WDR70: variants seen among roughly 807,000 people sequenced by gnomAD.
The protein encoded by WDR70 is WD repeat-containing protein 70.
A neutral mutation model predicts 88.6 loss-of-function variants in WDR70; 53 were observed. The observed-to-expected ratio is 0.60, with a 90% CI of 0.48 to 0.75. The LOEUF (loss-of-function observed/expected upper bound fraction) is 0.75. Ranked by LOEUF, WDR70 falls within the 30% of genes least tolerant of loss-of-function variation. The probability of loss-of-function intolerance (pLI) is 0.00; values close to 1 mark genes in which losing one functional copy is unlikely to be tolerated. For synonymous variants in WDR70, 280 were observed against 270.0 expected (o/e 1.04, Z -0.36); for missense variants, 610 against 823.2 (o/e 0.74, Z 3.17).
At chr5:37,634,564 T>G (rs969923852) in intron 10 of WDR70, among the ~76,000 whole-genome samples, 1 of 152,224 alleles carries the variant, frequency 6.6e-6, no homozygotes, top group Non-Finnish European at 1.5e-5. Flanking sequence ...GACTTTGTTC[T>G]ATAAGGAAGA....
At chr5:37,564,816 A>G (rs1286790608) in intron 9 of WDR70, among the ~76,000 whole-genome samples, 10 of 152,198 alleles carry the variant, frequency 6.6e-5, no homozygotes, top group Admixed American at 1.3e-4. Context: ...TGTTAGTTGC[A>G]GTTTTCACTT....
intron 8 of WDR70, among the ~76,000 whole-genome samples, chr5:37,512,061 G>A (rs888878162): frequency 9.2e-5 from 14 of 152,202 alleles, no homozygotes; most frequent in Middle Eastern, 3.4e-3. Flanking sequence ...TCAAGGTGTT[G>A]GCAAGAATGT....
At chr5:37,736,540 C>T (rs1748308823) in intron 17 of WDR70, among the ~76,000 whole-genome samples, 1 of 151,540 alleles carries the variant, frequency 6.6e-6, no homozygotes, top group African/African-American at 2.4e-5. Flanking sequence ...TCACTCTCCA[C>T]TGTATTCCTG....
At chr5:37,454,735 C>T (rs73749038) in intron 7 of WDR70, among the ~76,000 whole-genome samples, 2,335 of 152,170 alleles carry the variant, frequency 0.015, 53 homozygotes, top group African/African-American at 0.053. Context: ...AGTATTTTTC[C>T]TCCTCTTTCT....
chr5:37,736,207 G>T (rs1423352014), intron 17 of WDR70, among the ~76,000 whole-genome samples: 5 of 152,184 alleles, frequency 3.3e-5, no homozygotes, highest in African/African-American at 1.2e-4. Flanking sequence ...ACCCTGGCCA[G>T]CAGCCTGACA....
chr5:37,559,185 GC>G (rs1742408875), intron 9 of WDR70, among the ~76,000 whole-genome samples: 1 of 152,060 alleles, frequency 6.6e-6, no homozygotes, highest in Non-Finnish European at 1.5e-5. Flanking sequence ...ACCCTCCTTG[GC>G]CTCCCTAAGT....
At chr5:37,687,923 G>C (rs1422520449) in intron 10 of WDR70, 2 of 692,140 alleles carry the variant, frequency 2.9e-6, no homozygotes, top group Middle Eastern at 2.3e-4. Context: ...AACAAGTTAA[G>C]ACTGTCATAT....
chr5:37,479,273 T>C (rs367624131), intron 7 of WDR70, among the ~76,000 whole-genome samples: 99 of 151,648 alleles, frequency 6.5e-4, no homozygotes, highest in African/African-American at 2.3e-3. Flanking sequence ...GTTGGAGATA[T>C]AAGGTAATTA....
intron 10 of WDR70, among the ~76,000 whole-genome samples, chr5:37,635,466 C>T (rs1314265988): frequency 6.6e-6 from 1 of 152,150 alleles, no homozygotes; most frequent in Non-Finnish European, 1.5e-5. Context: ...CTCCCTCCAG[C>T]TTCAAAAATT....
At chr5:37,452,505 A>G (rs1028762721) in intron 7 of WDR70, among the ~76,000 whole-genome samples, 2 of 152,202 alleles carry the variant, frequency 1.3e-5, no homozygotes, top group African/African-American at 4.8e-5. Flanking sequence ...ACCTCAAGTG[A>G]TCTGCCTGCC....
At chr5:37,608,311 A>T (rs1744093172) in intron 10 of WDR70, among the ~76,000 whole-genome samples, 1 of 152,222 alleles carries the variant, frequency 6.6e-6, no homozygotes, top group Admixed American at 6.5e-5. Flanking sequence ...AAGTGCTAGG[A>T]TTACAGGCGT....
At chr5:37,416,595 T>C (rs1189983129) in intron 5 of WDR70, among the ~76,000 whole-genome samples, 1 of 149,722 alleles carries the variant, frequency 6.7e-6, no homozygotes, top group Non-Finnish European at 1.5e-5. Flanking sequence ...TTTTTTTTTT[T>C]TTTTGAGATA....
chr5:37,429,422 A>G (rs549149843), intron 5 of WDR70, among the ~76,000 whole-genome samples: 7 of 151,930 alleles, frequency 4.6e-5, no homozygotes, highest in Non-Finnish European at 1.0e-4. Context: ...ATCTTTCCTT[A>G]CCAATGATTG....
chr5:37,512,700 G>A (rs574736447), intron 8 of WDR70, among the ~76,000 whole-genome samples: 2 of 151,196 alleles, frequency 1.3e-5, no homozygotes, highest in Middle Eastern at 6.9e-3. Context: ...TTCCATCTCA[G>A]CCTTCCGAGT....
intron 10 of WDR70, among the ~76,000 whole-genome samples, chr5:37,637,368 TAAATAAATA>T (rs1745002535): frequency 6.7e-6 from 1 of 150,248 alleles, no homozygotes; most frequent in Non-Finnish European, 1.5e-5. Context: ...AATAAATAAA[TAAATAAATA>T]AAAGATTTAT....
At chr5:37,629,392 T>C (rs1044877777) in intron 10 of WDR70, among the ~76,000 whole-genome samples, 2 of 152,198 alleles carry the variant, frequency 1.3e-5, no homozygotes, top group African/African-American at 4.8e-5. Context: ...CCTTCTTTTT[T>C]CCATCTGGAA....
chr5:37,631,145 T>C (rs1005177278), intron 10 of WDR70, among the ~76,000 whole-genome samples: 1 of 152,162 alleles, frequency 6.6e-6, no homozygotes, highest in Non-Finnish European at 1.5e-5. Context: ...GCATCTTCAC[T>C]CCCTTGCCAC....
At chr5:37,636,156 CA>C (rs1295567429) in intron 10 of WDR70, among the ~76,000 whole-genome samples, 1 of 152,090 alleles carries the variant, frequency 6.6e-6, no homozygotes, top group Non-Finnish European at 1.5e-5. Flanking sequence ...ATTTGTTTAA[CA>C]AAACAATGGG....
intron 10 of WDR70, among the ~76,000 whole-genome samples, chr5:37,669,614 T>G (rs773790312): frequency 2.6e-5 from 4 of 152,042 alleles, no homozygotes; most frequent in Non-Finnish European, 4.4e-5. Flanking sequence ...CTGGGTCCTC[T>G]GAGAAGCAGA....
Sources: gnomAD v4.1 joint callset for allele counts (sites outside exome capture counted in the v4.1 genomes callset) on GRCh38, gnomAD v4.1.1 for gene constraint, MANE v1.5 for transcripts, NCBI Gene and HGNC (gene_info 2026-07-23, HGNC 2026-07-21) for gene names.